OAS3: variants seen among roughly 807,000 people sequenced by gnomAD.
OAS3 encodes 2'-5'-oligoadenylate synthase 3.
OAS3 carries 107 observed loss-of-function variants against 113.0 expected under a neutral mutation model. The ratio of observed to expected loss-of-function variants is 0.95; its 90% CI spans 0.81 to 1.11. The LOEUF is 1.11. Among genes scored for constraint, OAS3 ranks in the 50% most tolerant of loss-of-function variants. OAS3 has a pLI of 0.00. For missense variants in OAS3, 1,258 were observed against 1,389.1 expected (o/e 0.91, Z 1.50); for synonymous variants, 552 against 573.6 (o/e 0.96, Z 0.54).
rs745514357 is a variant in OAS3 at position 112,947,977 on chromosome 12, T to G, written c.907T>G (p.Trp303Gly). 7 of 1,603,838 alleles carry G rather than the reference T, an allele frequency of 4.4e-6. No homozygotes were observed. Among genetic ancestry groups the G allele is most frequent in the Non-Finnish European group, 6.0e-6 (7 of 1,175,372 alleles). ...GATCCTGGACCCAGCTGACCCCACA[T>G]GGGACCTGGGGAATGGGGCAGCCTG... ...PVILDPADPT[W>G]DLGNGAAWHW... Residue 303 changes from tryptophan (W) to glycine (G), a missense_variant, in exon 5 of 16, where the codon TGG becomes GGG. Physicochemically the swap from Trp to Gly is radical, Grantham distance 184 (BLOSUM62 -2). Coordinates refer to ENST00000228928, the MANE Select transcript of OAS3 (RefSeq NM_006187.4).
rs2043649475 is a variant in OAS3, at chr12:112,938,559, C to A, written c.29C>A (p.Ala10Glu). Reference protein sequence around the residue: MDLYSTPAAALDRFVARRLQ... With the variant: MDLYSTPAAELDRFVARRLQ... Reference sequence around the variant, plus strand: ...GACTTGTACAGCACCCCGGCCGCTGCGCTGGACAGGTTCGTGGCCAGAAGG... The same window carrying A: ...GACTTGTACAGCACCCCGGCCGCTGAGCTGGACAGGTTCGTGGCCAGAAGG... The change falls in exon 1 of 16, where the codon GCG (alanine) becomes GAG (glutamate). Residue 10 changes from alanine to glutamate, a missense_variant. Transcript: ENST00000228928. 6.2e-7 allele frequency: 1 copy of A among 1,609,514 alleles called. No individual in the cohort carries two copies. Among genetic ancestry groups the A allele is most frequent in the Non-Finnish European group, 8.5e-7 (1 of 1,178,588 alleles).
At position 112,949,063 on chromosome 12, in the gene OAS3, TC is replaced by T. The variant is rs1046699320; in HGVS notation, c.1236del (p.Thr413ProfsTer12). 1.2e-6 allele frequency: 2 copies of T among 1,613,798 alleles called. No homozygotes were observed. Among genetic ancestry groups the T allele is most frequent in the African/African-American group, 2.7e-5 (2 of 74,884 alleles). On this transcript the variant is annotated frameshift_variant, in exon 6 of 16. Transcript: ENST00000228928. LOFTEE classifies it high-confidence loss of function. Reference sequence around the variant, plus strand: ...GGAATGGCCTTGGACCTGTCTCAGATCCCCACCAAGGAGCTGGACCGCTTCA... The same window carrying T: ...GGAATGGCCTTGGACCTGTCTCAGATCCCACCAAGGAGCTGGACCGCTTCA... The part of the protein sequence containing the change: ...VPGMALDLSQ[I>X]PTKELDRFIQ...
chr12:112,946,898 C>T lies in OAS3; in HGVS notation c.792C>T (p.His264=). 6.2e-7 allele frequency: 1 copy of T among 1,614,038 alleles called. No individual in the cohort carries two copies. The highest frequency in any genetic ancestry group is 8.5e-7 in the Non-Finnish European group (1 of 1,179,898). Residue 264 remains histidine (H), a synonymous_variant, in exon 4 of 16, where the codon CAC becomes CAT. Coordinates refer to ENST00000228928, the MANE Select transcript of OAS3 (RefSeq NM_006187.4). ...TVLGLIQQHQ[H]LCVFWTVNYG... ...TGGGCCTGATCCAACAGCATCAGCA[C>T]CTGTGTGTTTTCTGGACTGTCAACT...
At chr12:112,948,793 G>C (rs748884218) in intron 5 of OAS3, 68 bp from the exon 6 acceptor site, 40 of 1,247,326 alleles carry the variant, frequency 3.2e-5, no homozygotes, top group Non-Finnish European at 4.0e-5. Context: ...GAGCTGGGGA[G>C]AGAAGGCATT....
rs2043911814 is a variant in OAS3 at position 112,963,999 on chromosome 12, A to G, written c.2230-236A>G. ...CTCAGGACAATCCATTGAGACCCGGACTTCATTATTGCACTCATTTAAACA... is the reference window on the plus strand; with the variant it reads ...CTCAGGACAATCCATTGAGACCCGGGCTTCATTATTGCACTCATTTAAACA... On this transcript the variant is annotated intron_variant, in intron 10 of 15. Coordinates refer to ENST00000228928, the MANE Select transcript of OAS3 (RefSeq NM_006187.4). The surrounding 1 kb of genome is among the most constrained non-coding windows in gnomAD (Gnocchi z 4.6). 6.6e-6 allele frequency among the ~76,000 whole-genome samples: 1 copy of G among 152,180 alleles called. No homozygotes were observed. The highest frequency in any genetic ancestry group is 2.4e-5 in the African/African-American group (1 of 41,436).
rs751711930 is a variant in OAS3 at position 112,962,877 on chromosome 12, C to G, written c.2059C>G (p.Leu687Val). The change falls in exon 9 of 16, where the codon CTT becomes GTT. Residue 687 changes from leucine to valine, a missense_variant. Transcript: ENST00000228928. The stretch of plus-strand genomic sequence containing the variant: ...TGAGGACCCAGCCATGAGAATGCAC[C>G]TTCTTGGCCAGCTTCGAAAACCCAG... Reference protein sequence around the residue: ...STEDPAMRMHLLGQLRKPRPL... With the variant: ...STEDPAMRMHVLGQLRKPRPL... 20 of 1,613,754 alleles carry G rather than the reference C, an allele frequency of 1.2e-5. No homozygotes were observed. Among genetic ancestry groups the G allele is most frequent in the Non-Finnish European group, 1.5e-5 (18 of 1,179,790 alleles).
intron 1 of OAS3, among the ~76,000 whole-genome samples, chr12:112,941,172 C>T (rs1462521049): frequency 1.3e-5 from 2 of 151,800 alleles, no homozygotes; most frequent in East Asian, 3.9e-4. Flanking sequence ...GCACTCCAGC[C>T]TGGGCAACAT....
rs1183151366 is a variant in OAS3 at position 112,948,924 on chromosome 12, A to G, written c.1093A>G (p.Thr365Ala). The G allele has an allele frequency of 6.2e-7, 1 of 1,610,498 alleles. No homozygotes were observed. The highest frequency in any genetic ancestry group is 1.7e-5 in the Admixed American group (1 of 59,480). ...HPIQLDPNQK[T>A]PENSKSLNAV... ...CATCCAGCTAGACCCTAACCAGAAGACCCCTGAAAACAGCAAGAGCCTCAA... is the reference window on the plus strand; with the variant it reads ...CATCCAGCTAGACCCTAACCAGAAGGCCCCTGAAAACAGCAAGAGCCTCAA... The change falls in exon 6 of 16, where the codon ACC (threonine) becomes GCC (alanine). Residue 365 changes from threonine to alanine, a missense_variant. By Grantham distance (58) the Thr-to-Ala change is moderately conservative. Coordinates refer to ENST00000228928, the MANE Select transcript of OAS3 (RefSeq NM_006187.4).
intron 1 of OAS3, among the ~76,000 whole-genome samples, chr12:112,940,100 T>C (rs2043666825): frequency 6.6e-6 from 1 of 152,186 alleles, no homozygotes; most frequent in Non-Finnish European, 1.5e-5. Flanking sequence ...CTTTGTAAAG[T>C]GAGCACGGTG....
intron 8 of OAS3, 21 bp from the exon 9 acceptor site, chr12:112,962,631 G>C: frequency 6.2e-7 from 1 of 1,608,814 alleles, no homozygotes; most frequent in Non-Finnish European, 8.5e-7. Flanking sequence ...ACTCATCTTT[G>C]GTTGGCCTTG....
Position 112,946,860 on chromosome 12 carries a change from C to T in OAS3, c.754C>T (p.Leu252Phe). ...GGATGCTTTCAGCCTAGCCGAAGGC[C>T]TCCGAACTGTCCTGGGCCTGATCCA... is the stretch of plus-strand genomic sequence containing the variant. ...KKDAFSLAEG[L>F]RTVLGLIQQH... Residue 252 changes from leucine to phenylalanine, a missense_variant, in exon 4 of 16, where the codon CTC becomes TTC. By Grantham distance (22) the Leu-to-Phe change is conservative. Coordinates refer to ENST00000228928, the MANE Select transcript of OAS3 (RefSeq NM_006187.4). The T allele has an allele frequency of 1.2e-6, 2 of 1,614,026 alleles. No homozygotes were observed. The highest frequency in any genetic ancestry group is 1.1e-5 in the South Asian group (1 of 91,076).
chr12:112,946,766 G>A lies in OAS3; in HGVS notation c.660G>A (p.Lys220=). ...AGGTGTGCCTACAGGGGTTGTGGAA[G>A]GAGACGCTGCCCCCGGTCTATGCCC... ...YHQVCLQGLW[K]ETLPPVYALE... The change falls in exon 4 of 16, where the codon AAG becomes AAA. Residue 220 remains lysine, a synonymous_variant. Coordinates refer to ENST00000228928, the MANE Select transcript of OAS3 (RefSeq NM_006187.4). The A allele has an allele frequency of 6.2e-7, 1 of 1,611,546 alleles. No homozygotes were observed. Among genetic ancestry groups the A allele is most frequent in the African/African-American group, 1.3e-5 (1 of 75,016 alleles).
Position 112,954,322 on chromosome 12 carries a change from G to A in OAS3, c.1657+3347G>A, listed in dbSNP as rs186801930. Among the ~76,000 whole-genome samples, 87 of 152,030 alleles carry A rather than the reference G, an allele frequency of 5.7e-4. No homozygotes were observed. The highest frequency in any genetic ancestry group is 4.2e-4 in the South Asian group (2 of 4,816). On this transcript the variant is annotated intron_variant, in intron 7 of 15. Coordinates refer to ENST00000228928, the MANE Select transcript of OAS3 (RefSeq NM_006187.4). The surrounding 1 kb of genome is among the most constrained non-coding windows in gnomAD (Gnocchi z 4.0). Reference sequence around the variant, plus strand: ...TTGTTGTTGTTTGAGATGGAGTCTCGCTCTGTTGCCTAGGCTGGAGTGCAG... The same window carrying A: ...TTGTTGTTGTTTGAGATGGAGTCTCACTCTGTTGCCTAGGCTGGAGTGCAG...
At chr12:112,951,978 C>T (rs946871694) in intron 7 of OAS3, among the ~76,000 whole-genome samples, 1 of 152,144 alleles carries the variant, frequency 6.6e-6, no homozygotes, top group Admixed American at 6.5e-5. Flanking sequence ...CACCACTGCA[C>T]TCCAGCCTGA....
rs1427066807 is a variant in OAS3, at chr12:112,961,137, A to T, written c.1724A>T (p.Gln575Leu). The change falls in exon 8 of 16, where the codon CAG becomes CTG. Residue 575 changes from glutamine (Q) to leucine (L), a missense_variant. By Grantham distance (113) the Gln-to-Leu change is moderately radical. Coordinates refer to ENST00000228928, the MANE Select transcript of OAS3 (RefSeq NM_006187.4). ...VYSRLLTSGC[Q>L]EGEHKACFAE... is the part of the protein sequence containing the mutation. ...TCGAGGCTCCTCACCAGTGGCTGCC[A>T]GGAGGGCGAGCATAAGGCCTGCTTC... 1 of 1,613,332 alleles carries T rather than the reference A, an allele frequency of 6.2e-7. No homozygotes were observed. Among genetic ancestry groups the T allele is most frequent in the Non-Finnish European group, 8.5e-7 (1 of 1,179,878 alleles).
rs2043900028 is a variant in OAS3, at chr12:112,962,845, A to G, written c.2027A>G (p.Tyr676Cys). Reference sequence around the variant, plus strand: ...CTCTGTGTCTACTGGACGGTCAACTATAGCACTGAGGACCCAGCCATGAGA... The same window carrying G: ...CTCTGTGTCTACTGGACGGTCAACTGTAGCACTGAGGACCCAGCCATGAGA... ...QQLCVYWTVNYSTEDPAMRMH... is the reference protein window; with the variant it reads ...QQLCVYWTVNCSTEDPAMRMH... Residue 676 changes from tyrosine (Y) to cysteine (C), a missense_variant, in exon 9 of 16, where the codon TAT (tyrosine) becomes TGT (cysteine). Coordinates refer to ENST00000228928, the MANE Select transcript of OAS3 (RefSeq NM_006187.4). 3.7e-6 allele frequency: 6 copies of G among 1,613,996 alleles called. No individual in the cohort carries two copies. The highest frequency in any genetic ancestry group is 5.1e-6 in the Non-Finnish European group (6 of 1,179,882).
intron 3 of OAS3, among the ~76,000 whole-genome samples, chr12:112,945,648 T>G (rs2043721843): frequency 6.6e-6 from 1 of 152,198 alleles, no homozygotes; most frequent in Non-Finnish European, 1.5e-5. Flanking sequence ...AGGAAGAGAT[T>G]CTGGATTCCA....
chr12:112,966,030 G>A lies in OAS3; in HGVS notation c.2689+1G>A, dbSNP rs2043930581. On this transcript the variant is annotated splice_donor_variant, in intron 12 of 15. Transcript: ENST00000228928. LOFTEE classifies it high-confidence loss of function. ...GTGCTGCCAGCCTTTGACGCCCTAG[G>A]TGAGGTGCCCTGGCGTAGACCTGAG... 6.2e-7 allele frequency: 1 copy of A among 1,613,864 alleles called. No individual in the cohort carries two copies. The highest frequency in any genetic ancestry group is 1.3e-5 in the African/African-American group (1 of 75,064).
chr12:112,968,315 G>A (rs571404157), intron 14 of OAS3, 141 bp downstream of exon 14: 1 of 1,177,176 alleles, frequency 8.5e-7, no homozygotes, highest in South Asian at 1.9e-5. Context: ...TAGTACCTGA[G>A]GGACAAACGG....
Sources: allele counts gnomAD v4.1 joint callset (sites outside exome capture counted in the v4.1 genomes callset), GRCh38; gene constraint gnomAD v4.1.1; non-coding constraint Gnocchi (gnomAD v3.1); transcripts MANE v1.5; gene names NCBI Gene and HGNC (gene_info 2026-07-23, HGNC 2026-07-21).